Variants in DNAH11 observed in about 807,000 individuals in gnomAD.
The protein encoded by DNAH11 is axonemal beta dynein heavy chain 11.
In DNAH11, 442 loss-of-function variants were observed where a neutral mutation model predicts 526.0. The ratio of observed to expected loss-of-function variants is 0.84; its 90% CI spans 0.78 to 0.91. The LOEUF is 0.91. Among genes scored for constraint, DNAH11 ranks in the 40% least tolerant of loss-of-function variants. The pLI is 0.00. For missense variants in DNAH11, 6,989 were observed against 5,448.7 expected (o/e 1.28, Z -8.90); for synonymous variants, 2,461 against 1,935.9 (o/e 1.27, Z -7.12).
At chr7:21,817,125 C>G (rs796134885) in intron 64 of DNAH11, among the ~76,000 whole-genome samples, 43 of 152,164 alleles carry the variant, frequency 2.8e-4, no homozygotes, top group African/African-American at 9.6e-4. Flanking sequence ...GGCTACAAGT[C>G]CCAACATTGG....
At chr7:21,634,697 C>T (rs1210921868) in intron 25 of DNAH11, among the ~76,000 whole-genome samples, 1 of 152,080 alleles carries the variant, frequency 6.6e-6, no homozygotes, top group Non-Finnish European at 1.5e-5. Flanking sequence ...GGATCAAAAA[C>T]CTACCTGTCA....
At chr7:21,718,973 A>G (rs1383340521) in intron 43 of DNAH11, among the ~76,000 whole-genome samples, 1 of 152,212 alleles carries the variant, frequency 6.6e-6, no homozygotes, top group Admixed American at 6.5e-5. Flanking sequence ...TTAATTATGT[A>G]GTTAGCCTAA....
chr7:21,665,183 T>C (rs1212036307), intron 30 of DNAH11, among the ~76,000 whole-genome samples: 2 of 152,024 alleles, frequency 1.3e-5, no homozygotes, highest in East Asian at 1.9e-4. Flanking sequence ...TTTCTACCTT[T>C]CTCATGTTTG....
At position 21,544,868 on chromosome 7, in the gene DNAH11, A is replaced by G; in HGVS notation, c.352-138A>G. The G allele has an allele frequency of 4.7e-6, 3 of 632,336 alleles. No individual in the cohort carries two copies. The South Asian group carries it at 6.8e-5, about 14-fold the overall frequency. 39.2% of individuals were successfully genotyped at this position (632,336 alleles called of 1,614,324 possible). A position where few individuals can be genotyped will look rare whatever the true frequency, so the allele number is the denominator to read the frequency against. ...TCGCTGCATACTAGGGAAGAGCCGT[A>G]GAAGGACCTTGTTTATAGGGCAGGC... On this transcript the variant is annotated intron_variant, in intron 1 of 81. Coordinates refer to ENST00000409508, the MANE Select transcript of DNAH11 (RefSeq NM_001277115.2).
chr7:21,655,761 A>G (rs1455508346), intron 28 of DNAH11, 71 bp from the exon 29 acceptor site: 2 of 1,456,162 alleles, frequency 1.4e-6, no homozygotes, highest in Non-Finnish European at 1.9e-6. Context: ...TTCATATGGC[A>G]TCATCTCTAG....
intron 57 of DNAH11, among the ~76,000 whole-genome samples, chr7:21,782,865 A>G (rs146389953): frequency 0.01 from 1,578 of 151,592 alleles, 31 homozygotes; most frequent in African/African-American, 0.036. Flanking sequence ...AGCCGAGATC[A>G]TGCCACTGCA....
intron 44 of DNAH11, among the ~76,000 whole-genome samples, chr7:21,723,663 C>G (rs905737896): frequency 3.9e-5 from 6 of 152,110 alleles, no homozygotes; most frequent in South Asian, 2.1e-4. Flanking sequence ...AATTTTAATT[C>G]TATTTACAAG....
chr7:21,875,194 C>A (rs1783657609), intron 74 of DNAH11, among the ~76,000 whole-genome samples: 1 of 152,110 alleles, frequency 6.6e-6, no homozygotes, highest in South Asian at 2.1e-4. Context: ...CTTATTTAAT[C>A]CACTATGACA....
In DNAH11 at chr7:21,564,409, C is replaced by A. The variant is rs1583485050; in HGVS notation, c.1194+12C>A. On this transcript the variant is annotated intron_variant, in intron 6 of 81. Transcript: ENST00000409508. ...TCTTCATTAACCAGGTATGAAGCAT[C>A]AAAAAACAGGAACAATAAGAATTGT... 6.3e-7 allele frequency: 1 copy of A among 1,586,884 alleles called. No individual in the cohort carries two copies. Among genetic ancestry groups the A allele is most frequent in the African/African-American group, 1.4e-5 (1 of 73,980 alleles).
Position 21,658,989 on chromosome 7 carries a change from A to C in DNAH11, c.5286A>C (p.Glu1762Asp). 1 of 1,608,846 alleles carries C rather than the reference A, an allele frequency of 6.2e-7. No individual in the cohort carries two copies. Among genetic ancestry groups the C allele is most frequent in the Non-Finnish European group, 8.5e-7 (1 of 1,177,634 alleles). ...TAGGAATAGCCTTCAGTAGACTGGA[A>C]GAAGGCTACGAAACAGCCCTGAAGG... ...TDVGIAFSRLEEGYETALKDF... is the reference protein window; with the variant it reads ...TDVGIAFSRLDEGYETALKDF... The change falls in exon 30 of 82, where the codon GAA becomes GAC. Residue 1762 changes from glutamate (E) to aspartate (D), a missense_variant. By Grantham distance (45) the Glu-to-Asp change is conservative (BLOSUM62 2). Transcript: ENST00000409508.
chr7:21,623,373 T>G (rs1490576875), intron 25 of DNAH11, among the ~76,000 whole-genome samples: 3 of 151,736 alleles, frequency 2.0e-5, no homozygotes, highest in African/African-American at 4.8e-5. Context: ...GGTGGGACTG[T>G]AAACTAGTTC....
chr7:21,677,416 C>G (rs529919914), intron 30 of DNAH11, among the ~76,000 whole-genome samples: 11 of 152,222 alleles, frequency 7.2e-5, no homozygotes, highest in African/African-American at 2.4e-4. Flanking sequence ...GAATCTCACT[C>G]TGTCACCCAG....
chr7:21,851,894 C>G (rs911530421), intron 66 of DNAH11, among the ~76,000 whole-genome samples: 1 of 152,062 alleles, frequency 6.6e-6, no homozygotes, highest in Non-Finnish European at 1.5e-5. Flanking sequence ...CCAGAAGTTT[C>G]TGATGTTTTC....
rs771886434 is a variant in DNAH11, at chr7:21,778,966, T to A, written c.9345T>A (p.Asp3115Glu). 1.9e-6 allele frequency: 3 copies of A among 1,612,778 alleles called. No individual in the cohort carries two copies. The highest frequency in any genetic ancestry group is 2.2e-5 in the East Asian group (1 of 44,824). Residue 3115 changes from aspartate to glutamate, a missense_variant, in exon 57 of 82, where the codon GAT becomes GAA. By Grantham distance (45) the Asp-to-Glu change is conservative. Transcript: ENST00000409508. ...AATGACTTTTGCTTTAGGTGGGAGA[T>A]CTAAAAGCCAGACTTGCCTCTCAAG... ...KLKTTASQVGDLKARLASQEA... is the reference protein window; with the variant it reads ...KLKTTASQVGELKARLASQEA...
chr7:21,698,060 T>C lies in DNAH11; in HGVS notation c.6042-15T>C, dbSNP rs754719730. ...TTGTCACATTTTAAAACTAAAATTCTTATTTACTTTTTAGACCCTGTGCCA... is the reference window on the plus strand; with the variant it reads ...TTGTCACATTTTAAAACTAAAATTCCTATTTACTTTTTAGACCCTGTGCCA... On this transcript the variant is annotated splice_polypyrimidine_tract_variant and intron_variant, in intron 35 of 81. Coordinates refer to ENST00000409508, the MANE Select transcript of DNAH11 (RefSeq NM_001277115.2). The C allele has an allele frequency of 6.3e-7, 1 of 1,597,092 alleles. No homozygotes were observed. Among genetic ancestry groups the C allele is most frequent in the Admixed American group, 1.8e-5 (1 of 55,966 alleles).
chr7:21,563,747 T>A (rs918579479), intron 5 of DNAH11, among the ~76,000 whole-genome samples: 10 of 152,208 alleles, frequency 6.6e-5, no homozygotes, highest in Non-Finnish European at 1.3e-4. Context: ...CATAGGAAAC[T>A]GGAATGAGAG....
chr7:21,640,903 C>T (rs1013486375), intron 28 of DNAH11, among the ~76,000 whole-genome samples: 4 of 152,118 alleles, frequency 2.6e-5, no homozygotes, highest in Non-Finnish European at 5.9e-5. Flanking sequence ...TGTGATCTGT[C>T]TGTCATTGTC....
chr7:21,760,000 G>C (rs10485977), intron 54 of DNAH11, among the ~76,000 whole-genome samples: 23,256 of 152,152 alleles, frequency 0.15, 2,388 homozygotes, highest in Non-Finnish European at 0.22. Flanking sequence ...GTGAGAATTT[G>C]AGAAAAGAGC....
At chr7:21,641,375 C>T (rs1787125606) in intron 28 of DNAH11, among the ~76,000 whole-genome samples, 1 of 152,134 alleles carries the variant, frequency 6.6e-6, no homozygotes, top group Non-Finnish European at 1.5e-5. Flanking sequence ...CCCTATGGTA[C>T]TTTCTGTAGA....
Sources: gnomAD v4.1 joint callset for allele counts (sites outside exome capture counted in the v4.1 genomes callset) on GRCh38, gnomAD v4.1.1 for gene constraint, MANE v1.5 for transcripts, NCBI Gene and HGNC (gene_info 2026-07-23, HGNC 2026-07-21) for gene names.